TMPRSS11F: variants seen among roughly 807,000 people sequenced by gnomAD.
TMPRSS11F encodes the protein transmembrane serine protease 11F.
Under a neutral mutation model 60.2 loss-of-function variants are expected in TMPRSS11F, and 47 were observed. That is an observed-to-expected ratio of 0.78 (90% CI 0.62 to 1.00). The LOEUF is 1.00. Ranked by LOEUF, TMPRSS11F falls within the 50% of genes least tolerant of loss-of-function variation. The pLI, the probability that TMPRSS11F is intolerant of heterozygous loss-of-function variation, is 0.00. For synonymous variants in TMPRSS11F, 166 were observed against 167.3 expected (o/e 0.99, Z 0.06); for missense variants, 519 against 522.9 (o/e 0.99, Z 0.07).
At chr4:68,124,234 A>C (rs1005512963) in intron 1 of TMPRSS11F, among the ~76,000 whole-genome samples, 2 of 145,630 alleles carry the variant, frequency 1.4e-5, no homozygotes, top group Non-Finnish European at 3.0e-5. Context: ...AAAAAAAAAA[A>C]ACAAACCTTT....
At chr4:68,061,950 T>G (rs971538182) in intron 8 of TMPRSS11F, 10 of 438,940 alleles carry the variant, frequency 2.3e-5, no homozygotes, top group Non-Finnish European at 4.0e-5. Context: ...AATGCTTGTC[T>G]GCACTTAGAT....
intron 3 of TMPRSS11F, among the ~76,000 whole-genome samples, chr4:68,076,821 C>G (rs6834171): frequency 0.041 from 6,196 of 152,208 alleles, 375 homozygotes; most frequent in African/African-American, 0.13. Context: ...TAGATGAAGA[C>G]GAGCAAAAAC....
At chr4:68,059,288 CT>C (rs1560390763) in intron 9 of TMPRSS11F, 37 bp downstream of exon 9, 1 of 1,601,552 alleles carries the variant, frequency 6.2e-7, no homozygotes. Context: ...CTAATGGAAA[CT>C]TTCCTCATAA....
Position 68,129,839 on chromosome 4 carries a change from G to C in TMPRSS11F, c.-19C>G, listed in dbSNP as rs1442201937. The stretch of plus-strand genomic sequence containing the variant: ...ACATCATGAACCCAGGACTGGGGCA[G>C]CTTCTATTCAGTCACCATCTGATCT... On this transcript the variant is annotated 5_prime_UTR_variant, in exon 1 of 10. Transcript: ENST00000356291. 2 of 1,613,024 alleles carry C rather than the reference G, an allele frequency of 1.2e-6. No homozygotes were observed. The highest frequency in any genetic ancestry group is 2.7e-5 in the African/African-American group (2 of 74,896).
chr4:68,106,855 A>T (rs556974154), intron 1 of TMPRSS11F, among the ~76,000 whole-genome samples: 8 of 152,232 alleles, frequency 5.3e-5, no homozygotes, highest in Non-Finnish European at 1.0e-4. Flanking sequence ...TAATTTCATG[A>T]GTTTTCTGAA....
chr4:68,073,956 A>T lies in TMPRSS11F; in HGVS notation c.336T>A (p.His112Gln). The change falls in exon 4 of 10, where the codon CAT (histidine) becomes CAA (glutamine). Residue 112 changes from histidine (H) to glutamine (Q), a missense_variant. His to Gln is a conservative substitution (Grantham distance 24, BLOSUM62 0). Coordinates refer to ENST00000356291, the MANE Select transcript of TMPRSS11F (RefSeq NM_207407.2). ...SSVGGRFIKSHVIKLSPDEQG... is the reference protein window; with the variant it reads ...SSVGGRFIKSQVIKLSPDEQG... ...AATTTACATACCTTAATTTGATAAC[A>T]TGAGATTTGATAAATCGACCGCCTA... The T allele has an allele frequency of 6.3e-7, 1 of 1,578,592 alleles. No individual in the cohort carries two copies. Among genetic ancestry groups the T allele is most frequent in the Non-Finnish European group, 8.6e-7 (1 of 1,164,738 alleles).
At chr4:68,072,222 A>ATTTT (rs1723483945) in intron 5 of TMPRSS11F, 101 bp downstream of exon 5, 1 of 47,722 alleles carries the variant, frequency 2.1e-5, no homozygotes, top group Non-Finnish European at 4.2e-5. Context: ...TATATCTTCC[A>ATTTT]AAAAAAAAAT....
chr4:68,056,544 A>G (rs184546866), intron 9 of TMPRSS11F, among the ~76,000 whole-genome samples: 97 of 152,228 alleles, frequency 6.4e-4, no homozygotes, highest in African/African-American at 2.3e-3. Flanking sequence ...AAGAAAACAC[A>G]AAAATGAAAA....
At chr4:68,081,505 GA>G (rs907903120) in intron 3 of TMPRSS11F, among the ~76,000 whole-genome samples, 2 of 152,212 alleles carry the variant, frequency 1.3e-5, no homozygotes, top group African/African-American at 4.8e-5. Flanking sequence ...CTCCCAAGGG[GA>G]AAATGGAGAC....
chr4:68,059,263 C>T (rs933737170), intron 9 of TMPRSS11F, 63 bp downstream of exon 9: 213 of 1,568,870 alleles, frequency 1.4e-4, no homozygotes, highest in Admixed American at 3.5e-5. Context: ...AAATATATGC[C>T]AAACTCAGAA....
At chr4:68,089,981 C>A (rs1723890486) in intron 3 of TMPRSS11F, among the ~76,000 whole-genome samples, 1 of 152,012 alleles carries the variant, frequency 6.6e-6, no homozygotes, top group Non-Finnish European at 1.5e-5. Flanking sequence ...TTCTCTTTGC[C>A]TTTCTGCTAT....
chr4:68,096,989 A>G (rs1404009668), intron 2 of TMPRSS11F, among the ~76,000 whole-genome samples: 1 of 152,190 alleles, frequency 6.6e-6, no homozygotes, highest in African/African-American at 2.4e-5. Context: ...TGTTCCTTTT[A>G]AAAACTGCAT....
chr4:68,059,552 T>A, intron 8 of TMPRSS11F, 84 bp from the exon 9 acceptor site: 1 of 1,343,554 alleles, frequency 7.4e-7, no homozygotes, highest in Non-Finnish European at 1.0e-6. Flanking sequence ...ACATAAATTG[T>A]AGCAAAAGCC....
intron 1 of TMPRSS11F, among the ~76,000 whole-genome samples, chr4:68,107,721 G>A (rs1286204229): frequency 2.0e-5 from 3 of 152,096 alleles, no homozygotes; most frequent in Non-Finnish European, 4.4e-5. Context: ...GGCAGATCAC[G>A]AGGTCAAGAG....
At chr4:68,101,779 T>C (rs1428171891) in intron 1 of TMPRSS11F, among the ~76,000 whole-genome samples, 1 of 152,298 alleles carries the variant, frequency 6.6e-6, no homozygotes, top group Non-Finnish European at 1.5e-5. Context: ...GAGGTTTCTA[T>C]AGTGAAACAA....
intron 2 of TMPRSS11F, among the ~76,000 whole-genome samples, chr4:68,091,800 T>TATCTA: frequency 1.3e-5 from 2 of 150,484 alleles, no homozygotes; most frequent in African/African-American, 2.4e-5. Flanking sequence ...TCTATCTATC[T>TATCTA]TTTTGAGATG....
chr4:68,127,969 T>G (rs535201337), intron 1 of TMPRSS11F, among the ~76,000 whole-genome samples: 3 of 152,102 alleles, frequency 2.0e-5, no homozygotes, highest in Non-Finnish European at 4.4e-5. Context: ...ATTCATTTAC[T>G]TATAAACCTT....
chr4:68,084,339 A>G (rs1723763999), intron 3 of TMPRSS11F, among the ~76,000 whole-genome samples: 1 of 152,206 alleles, frequency 6.6e-6, no homozygotes, highest in African/African-American at 2.4e-5. Context: ...AGGCAATATA[A>G]GACAACAATC....
In TMPRSS11F at chr4:68,074,003, T is replaced by G; in HGVS notation, c.289A>C (p.Arg97=). ...RSHQIERMMS[R]IFRHSSVGGR... ...CCTACAGAAGAATGTCGAAATATCC[T>G]AGACATCTGATTTTTAAAAAATAAG... Residue 97 remains arginine, a synonymous_variant, in exon 4 of 10, where the codon AGG becomes CGG. Coordinates refer to ENST00000356291, the MANE Select transcript of TMPRSS11F (RefSeq NM_207407.2). The G allele has an allele frequency of 6.4e-7, 1 of 1,558,620 alleles. No homozygotes were observed. The highest frequency in any genetic ancestry group is 8.7e-7 in the Non-Finnish European group (1 of 1,154,046).
Sources: gnomAD v4.1 joint callset for allele counts (sites outside exome capture counted in the v4.1 genomes callset) on GRCh38, gnomAD v4.1.1 for gene constraint, MANE v1.5 for transcripts, NCBI Gene and HGNC (gene_info 2026-07-23, HGNC 2026-07-21) for gene names.